SNTG1: variants seen among roughly 807,000 people sequenced by gnomAD.
SNTG1 encodes the protein syntrophin gamma 1.
A neutral mutation model predicts 74.7 loss-of-function variants in SNTG1; 39 were observed. The observed-to-expected ratio is 0.52, with a 90% CI of 0.40 to 0.68. The LOEUF (loss-of-function observed/expected upper bound fraction) is 0.68, where lower values mean the gene tolerates loss of function less well. Ranked by LOEUF, SNTG1 falls within the 30% of genes least tolerant of loss-of-function variation. The pLI, the probability that SNTG1 is intolerant of heterozygous loss-of-function variation, is 0.00. For synonymous variants in SNTG1, 254 were observed against 217.1 expected (o/e 1.17, Z -1.49); for missense variants, 685 against 609.5 (o/e 1.12, Z -1.30).
At chr8:50,510,872 G>A (rs185149770) in intron 9 of SNTG1, among the ~76,000 whole-genome samples, 4 of 152,126 alleles carry the variant, frequency 2.6e-5, no homozygotes, top group Non-Finnish European at 4.4e-5. Context: ...ACCAGCTCCT[G>A]GATTCATTGA....
chr8:50,298,331 A>G (rs2089486562), intron 2 of SNTG1, among the ~76,000 whole-genome samples: 1 of 152,106 alleles, frequency 6.6e-6, no homozygotes, highest in African/African-American at 2.4e-5. Context: ...TGGCTTCTGG[A>G]GAGTATATTT....
chr8:50,712,688 T>G (rs7845831), intron 17 of SNTG1, among the ~76,000 whole-genome samples: 7 of 151,434 alleles, frequency 4.6e-5, no homozygotes, highest in African/African-American at 1.7e-4. Context: ...CAGTGTGTGA[T>G]GTTTCCCTCC....
intron 18 of SNTG1, among the ~76,000 whole-genome samples, chr8:50,787,533 C>A (rs1043579808): frequency 3.3e-5 from 5 of 151,776 alleles, no homozygotes; most frequent in Admixed American, 6.6e-5. Flanking sequence ...CCCAAACACA[C>A]AAAAAAGAAA....
At chr8:49,946,964 T>C (rs776888924) in intron 1 of SNTG1, among the ~76,000 whole-genome samples, 1 of 152,168 alleles carries the variant, frequency 6.6e-6, no homozygotes, top group Non-Finnish European at 1.5e-5. Flanking sequence ...ACAACAAATT[T>C]AGCAATTCGT....
At chr8:50,431,861 C>A (rs1287791043) in intron 4 of SNTG1, among the ~76,000 whole-genome samples, 2 of 152,088 alleles carry the variant, frequency 1.3e-5, no homozygotes, top group Non-Finnish European at 2.9e-5. Flanking sequence ...ACTTCAGCCA[C>A]TTTTTAATTG....
At chr8:50,702,652 A>T (rs1226519025) in intron 15 of SNTG1, among the ~76,000 whole-genome samples, 1 of 152,206 alleles carries the variant, frequency 6.6e-6, no homozygotes, top group Non-Finnish European at 1.5e-5. Context: ...TAGATATAGC[A>T]TATATACAGT....
chr8:50,414,874 C>T (rs1428172246), intron 4 of SNTG1, among the ~76,000 whole-genome samples: 2 of 151,992 alleles, frequency 1.3e-5, no homozygotes, highest in East Asian at 1.9e-4. Context: ...TTCTCTGAAT[C>T]GTTGTTCGTA....
intron 2 of SNTG1, among the ~76,000 whole-genome samples, chr8:50,314,935 T>C (rs1563885043): frequency 6.7e-6 from 1 of 149,608 alleles, no homozygotes; most frequent in Admixed American, 6.8e-5. Context: ...GACAATGTGT[T>C]ACAGTTTTTA....
At chr8:50,157,297 T>G (rs1006662348) in intron 1 of SNTG1, among the ~76,000 whole-genome samples, 1 of 152,130 alleles carries the variant, frequency 6.6e-6, no homozygotes, top group Non-Finnish European at 1.5e-5. Context: ...GCCTGAGTGC[T>G]ATAGAAATGT....
At chr8:50,521,404 A>G (rs2094178496) in intron 9 of SNTG1, among the ~76,000 whole-genome samples, 3 of 152,188 alleles carry the variant, frequency 2.0e-5, no homozygotes, top group African/African-American at 4.8e-5. Flanking sequence ...GTACCCCAGA[A>G]CTTAAAGTAC....
chr8:50,692,955 G>T (rs918359883), intron 15 of SNTG1, among the ~76,000 whole-genome samples: 16 of 152,324 alleles, frequency 1.1e-4, no homozygotes, highest in Admixed American at 3.3e-4. Context: ...CGGCAATGGT[G>T]GTGCCCCTCC....
At chr8:50,363,776 G>A (rs1386257080) in intron 2 of SNTG1, among the ~76,000 whole-genome samples, 2 of 152,038 alleles carry the variant, frequency 1.3e-5, no homozygotes, top group African/African-American at 4.8e-5. Flanking sequence ...AACTGTCTCT[G>A]GATACAATTC....
At chr8:50,498,865 A>G (rs1239180047) in intron 8 of SNTG1, among the ~76,000 whole-genome samples, 1 of 151,754 alleles carries the variant, frequency 6.6e-6, no homozygotes, top group Non-Finnish European at 1.5e-5. Context: ...TCTCTACTCC[A>G]TTGCAACATT....
intron 1 of SNTG1, among the ~76,000 whole-genome samples, chr8:50,147,481 A>T: frequency 6.6e-6 from 1 of 152,190 alleles, no homozygotes; most frequent in East Asian, 1.9e-4. Flanking sequence ...GAGGTTAGAA[A>T]TTTTGAAACC....
At chr8:50,134,308 G>A (rs2081404044) in intron 1 of SNTG1, among the ~76,000 whole-genome samples, 2 of 152,198 alleles carry the variant, frequency 1.3e-5, no homozygotes, top group Admixed American at 1.3e-4. Context: ...GTTAATAAGT[G>A]TAAAGGAGAA....
chr8:50,225,166 G>T (rs1218770417), intron 2 of SNTG1, among the ~76,000 whole-genome samples: 2 of 151,972 alleles, frequency 1.3e-5, no homozygotes, highest in Non-Finnish European at 2.9e-5. Flanking sequence ...TAGAGACGGG[G>T]TTTCACCATG....
At chr8:50,732,247 T>G (rs1279413645) in intron 17 of SNTG1, among the ~76,000 whole-genome samples, 1 of 151,946 alleles carries the variant, frequency 6.6e-6, no homozygotes, top group Non-Finnish European at 1.5e-5. Flanking sequence ...AAATTTATAA[T>G]TATAATTTGA....
At chr8:50,125,502 G>A (rs1274461688) in intron 1 of SNTG1, among the ~76,000 whole-genome samples, 1 of 141,806 alleles carries the variant, frequency 7.1e-6, no homozygotes, top group Non-Finnish European at 1.6e-5. Context: ...ATATGTTTAA[G>A]TAATGCCTAG....
At chr8:50,764,364 G>C (rs986574790) in intron 18 of SNTG1, among the ~76,000 whole-genome samples, 15 of 151,884 alleles carry the variant, frequency 9.9e-5, no homozygotes, top group Admixed American at 9.9e-4. Flanking sequence ...TTTATAAGCT[G>C]TACATGTGAT....
Sources: allele counts gnomAD v4.1 joint callset (sites outside exome capture counted in the v4.1 genomes callset), GRCh38; gene constraint gnomAD v4.1.1; transcripts MANE v1.5; gene names NCBI Gene and HGNC (gene_info 2026-07-23, HGNC 2026-07-21).